The following RANBP2 variants were observed in gnomAD, a reference collection of about 807,000 sequenced individuals.
RANBP2 encodes the protein RAN binding protein 2.
Under a neutral mutation model 303.6 loss-of-function variants are expected in RANBP2, and 57 were observed. The observed-to-expected ratio is 0.19, with a 90% confidence interval of 0.15 to 0.23. The LOEUF is 0.23. RANBP2 is among the 10% of genes least tolerant of loss of function. RANBP2 has a pLI of 1.00. For synonymous variants in RANBP2, 1,167 were observed against 1,301.5 expected (o/e 0.90, Z 2.23); for missense variants, 3,138 against 3,780.8 (o/e 0.83, Z 4.46).
chr2:109,524,463 A>AC, the RANBP2 span, among the ~76,000 whole-genome samples: 8 of 59,618 alleles, frequency 1.3e-4, no homozygotes, highest in African/African-American at 5.6e-4. Context: ...AAAAAAAAAA[A>AC]AAACAAAACA....
chr2:108,880,199 A>C, the RANBP2 span, among the ~76,000 whole-genome samples: 6 of 122,568 alleles, frequency 4.9e-5, no homozygotes, highest in Middle Eastern at 3.8e-3. Flanking sequence ...CTTAAAAAAA[A>C]AAAACAACAA....
chr2:108,912,662 T>C, the RANBP2 span: 79 of 1,573,026 alleles, frequency 5.0e-5, no homozygotes, highest in South Asian at 9.1e-4. Context: ...GATCGATACC[T>C]GAGCACCCTC....
chr2:109,239,004 T>C, the RANBP2 span, among the ~76,000 whole-genome samples: 1 of 152,232 alleles, frequency 6.6e-6, no homozygotes, highest in South Asian at 2.1e-4. Context: ...GAAAAGCTAC[T>C]GGTAGACAGA....
the RANBP2 span, among the ~76,000 whole-genome samples, chr2:108,919,884 C>T: frequency 6.6e-5 from 10 of 152,222 alleles, no homozygotes; most frequent in African/African-American, 2.2e-4. Flanking sequence ...CTGGATCTCT[C>T]CGCCTGGAGC....
the RANBP2 span, among the ~76,000 whole-genome samples, chr2:108,842,277 G>A: frequency 6.6e-6 from 1 of 151,404 alleles, no homozygotes; most frequent in Non-Finnish European, 1.5e-5. Context: ...GGCCTCAAGT[G>A]ATCCTCCTGC....
At chr2:109,166,333 C>G in the RANBP2 span, among the ~76,000 whole-genome samples, 1 of 151,636 alleles carries the variant, frequency 6.6e-6, no homozygotes, top group Non-Finnish European at 1.5e-5. Flanking sequence ...AAAAATTAGC[C>G]GAGTGTGGTG....
At chr2:109,258,527 G>A in the RANBP2 span, among the ~76,000 whole-genome samples, 3 of 152,122 alleles carry the variant, frequency 2.0e-5, no homozygotes, top group Middle Eastern at 3.2e-3. Context: ...GTGAGCCTCC[G>A]AACAATGTAT....
At chr2:108,897,285 A>G in the RANBP2 span, 4 of 1,469,650 alleles carry the variant, frequency 2.7e-6, no homozygotes, top group South Asian at 4.8e-5. Flanking sequence ...ATAGAAGGTC[A>G]ACACTGAAAA....
the RANBP2 span, among the ~76,000 whole-genome samples, chr2:109,507,668 G>A: frequency 6.6e-6 from 1 of 152,216 alleles, no homozygotes; most frequent in Non-Finnish European, 1.5e-5. Flanking sequence ...GTCAGCTGGT[G>A]TTTAACATGG....
At chr2:109,055,190 A>G in the RANBP2 span, among the ~76,000 whole-genome samples, 1 of 152,116 alleles carries the variant, frequency 6.6e-6, no homozygotes, top group Non-Finnish European at 1.5e-5. Context: ...CCATTCATAT[A>G]TATTCTTTTC....
chr2:108,766,505 A>G lies in RANBP2; in HGVS notation c.5966A>G (p.Lys1989Arg), dbSNP rs1677132655. 6.2e-7 allele frequency: 1 copy of G among 1,611,976 alleles called. No individual in the cohort carries two copies. The highest frequency in any genetic ancestry group is 2.2e-5 in the East Asian group (1 of 44,886). ...TCACAATACGGTAAAATGGCCAATA[A>G]AGCAAACACTTCCGGTGACTTTGAG... ...FSSQYGKMAN[K>R]ANTSGDFEKD... Residue 1989 changes from lysine to arginine, a missense_variant, in exon 20 of 29, where the codon AAA becomes AGA. Lys to Arg is a conservative substitution (Grantham distance 26, BLOSUM62 2). Coordinates refer to ENST00000283195, the MANE Select transcript of RANBP2 (RefSeq NM_006267.5).
chr2:109,285,545 G>A, the RANBP2 span, among the ~76,000 whole-genome samples: 52,285 of 152,118 alleles, frequency 0.34, 9,143 homozygotes, highest in South Asian at 0.41. Flanking sequence ...CTTGCCTGGC[G>A]GTGGGAGCCC....
the RANBP2 span, chr2:109,491,084 C>T: frequency 1.4e-6 from 1 of 714,510 alleles, no homozygotes; most frequent in Non-Finnish European, 2.1e-6. Flanking sequence ...TGGTCCCGAG[C>T]TTGGGTGGTG....
At chr2:109,549,188 T>G in the RANBP2 span, among the ~76,000 whole-genome samples, 4 of 152,318 alleles carry the variant, frequency 2.6e-5, 1 homozygote, top group African/African-American at 9.6e-5. Context: ...TGCACACGTG[T>G]GCATCGGTGA....
the RANBP2 span, among the ~76,000 whole-genome samples, chr2:108,860,935 CTTTTTTTTTT>C: frequency 3.7e-4 from 14 of 37,934 alleles, 1 homozygote; most frequent in East Asian, 9.2e-4. Flanking sequence ...TGGTCCAGGA[CTTTTTTTTTT>C]TTTTTTTTTT....
chr2:109,011,762 A>G, the RANBP2 span, among the ~76,000 whole-genome samples: 3 of 152,280 alleles, frequency 2.0e-5, no homozygotes, highest in East Asian at 5.8e-4. Flanking sequence ...CTTGAATTCA[A>G]AACCCATCTA....
chr2:109,053,875 C>T, the RANBP2 span, among the ~76,000 whole-genome samples: 1 of 152,152 alleles, frequency 6.6e-6, no homozygotes, highest in Non-Finnish European at 1.5e-5. Flanking sequence ...ATCCATCTGC[C>T]TGGCACCGGC....
At chr2:109,065,302 T>C in the RANBP2 span, among the ~76,000 whole-genome samples, 3 of 152,070 alleles carry the variant, frequency 2.0e-5, no homozygotes, top group African/African-American at 7.2e-5. Flanking sequence ...GCACTTTTTT[T>C]TGCTTGCTTG....
chr2:108,971,180 T>C, the RANBP2 span, among the ~76,000 whole-genome samples: 1 of 152,156 alleles, frequency 6.6e-6, no homozygotes, highest in Non-Finnish European at 1.5e-5. Context: ...GTTTTCCGTC[T>C]CCAACTGGAT....
Sources: gnomAD v4.1 joint callset for allele counts (sites outside exome capture counted in the v4.1 genomes callset) on GRCh38, gnomAD v4.1.1 for gene constraint, MANE v1.5 for transcripts, NCBI Gene and HGNC (gene_info 2026-07-23, HGNC 2026-07-21) for gene names.